PKIB: variants seen among roughly 807,000 people sequenced by gnomAD.
PKIB encodes cAMP-dependent protein kinase inhibitor beta, also known as PKI-beta.
Under a neutral mutation model 4.5 loss-of-function variants are expected in PKIB, and 2 were observed. The ratio of observed to expected loss-of-function variants is 0.44; its 90% CI spans 0.18 to 1.39. The LOEUF is 1.39. Ranked by LOEUF, PKIB falls within the 40% of genes most tolerant of loss-of-function variation. The pLI, the probability that PKIB is intolerant of heterozygous loss-of-function variation, is 0.27. For missense variants in PKIB, 94 were observed against 92.6 expected, an observed-to-expected ratio of 1.02 and a Z score of -0.06; for synonymous variants, 38 against 36.0, an observed-to-expected ratio of 1.06 and a Z score of -0.20.
intron 3 of PKIB, among the ~76,000 whole-genome samples, chr6:122,676,972 C>T (rs1027564390): frequency 2.0e-5 from 3 of 152,110 alleles, no homozygotes; most frequent in Non-Finnish European, 2.9e-5. Context: ...GATTTCCTGT[C>T]TTTACTACAT....
chr6:122,689,424 T>C (rs6569269), intron 3 of PKIB, among the ~76,000 whole-genome samples: 72,186 of 151,934 alleles, frequency 0.48, 17,933 homozygotes, highest in Non-Finnish European at 0.56. Context: ...CTTAGTACTG[T>C]TTTTGTGAAT....
chr6:122,651,350 T>C (rs1484782818), intron 2 of PKIB, among the ~76,000 whole-genome samples: 1 of 152,208 alleles, frequency 6.6e-6, no homozygotes, highest in Non-Finnish European at 1.5e-5. Flanking sequence ...TACCTTAATC[T>C]TTAGGGCCTG....
chr6:122,714,979 G>T (rs769497626), intron 3 of PKIB, among the ~76,000 whole-genome samples: 1 of 151,386 alleles, frequency 6.6e-6, no homozygotes, highest in Non-Finnish European at 1.5e-5. Context: ...TAGAGACAGG[G>T]TTTCACCATC....
At chr6:122,603,456 T>C (rs1362213157) in intron 3 of PKIB, among the ~76,000 whole-genome samples, 4 of 152,176 alleles carry the variant, frequency 2.6e-5, no homozygotes, top group African/African-American at 4.8e-5. Context: ...TAAAAGTATA[T>C]TGAAAAAATT....
chr6:122,602,675 G>A (rs570803843), intron 3 of PKIB, among the ~76,000 whole-genome samples: 11 of 152,274 alleles, frequency 7.2e-5, no homozygotes, highest in Non-Finnish European at 1.5e-4. Flanking sequence ...AGCACTTTGA[G>A]AGGCCGAGGC....
chr6:122,495,190 A>G (rs1776041356), intron 2 of PKIB, among the ~76,000 whole-genome samples: 1 of 152,052 alleles, frequency 6.6e-6, no homozygotes, highest in Non-Finnish European at 1.5e-5. Context: ...GGTAATAGAC[A>G]AGGTTTAGCA....
chr6:122,567,356 A>G (rs983437656), intron 2 of PKIB, among the ~76,000 whole-genome samples: 7 of 152,158 alleles, frequency 4.6e-5, no homozygotes, highest in African/African-American at 1.2e-4. Flanking sequence ...ATTAAGCTCT[A>G]TTCACTCACA....
At chr6:122,666,439 CTG>C in intron 2 of PKIB, among the ~76,000 whole-genome samples, 1 of 152,280 alleles carries the variant, frequency 6.6e-6, no homozygotes, top group Middle Eastern at 3.4e-3. Context: ...TTTTTTAAAA[CTG>C]GGGATATGTG....
chr6:122,693,321 G>A (rs571850320), intron 3 of PKIB, among the ~76,000 whole-genome samples: 12 of 152,292 alleles, frequency 7.9e-5, no homozygotes, highest in African/African-American at 2.9e-4. Flanking sequence ...CCCCCTGCTA[G>A]TGAGAATATT....
chr6:122,662,545 C>T (rs1777051824), intron 2 of PKIB, among the ~76,000 whole-genome samples: 1 of 151,670 alleles, frequency 6.6e-6, no homozygotes, highest in South Asian at 2.1e-4. Flanking sequence ...GTCTCGAACT[C>T]CTGACATCAG....
At chr6:122,657,582 A>G (rs752810319) in intron 2 of PKIB, among the ~76,000 whole-genome samples, 2 of 152,198 alleles carry the variant, frequency 1.3e-5, no homozygotes, top group Non-Finnish European at 2.9e-5. Context: ...ATGATTGCAG[A>G]AGTATTGGGA....
At chr6:122,505,349 T>C (rs939774340) in intron 2 of PKIB, among the ~76,000 whole-genome samples, 4 of 152,228 alleles carry the variant, frequency 2.6e-5, no homozygotes, top group African/African-American at 9.6e-5. Context: ...TGTCCCATAT[T>C]TTTATGGCCA....
At chr6:122,529,297 A>T (rs914477575) in intron 2 of PKIB, among the ~76,000 whole-genome samples, 1 of 152,164 alleles carries the variant, frequency 6.6e-6, no homozygotes, top group African/African-American at 2.4e-5. Context: ...TTAAACAGAT[A>T]ACAAGTACGT....
intron 2 of PKIB, chr6:122,483,905 C>G (rs1436482776): frequency 6.6e-6 from 1 of 152,164 alleles, no homozygotes; most frequent in Admixed American, 6.5e-5. Context: ...TTTTTCTTCT[C>G]AATTGCCTTC....
intron 2 of PKIB, among the ~76,000 whole-genome samples, chr6:122,550,250 G>A (rs1369827007): frequency 1.3e-5 from 2 of 152,058 alleles, no homozygotes; most frequent in South Asian, 2.1e-4. Flanking sequence ...TAGCTAATAT[G>A]AAATATGTCT....
intron 2 of PKIB, among the ~76,000 whole-genome samples, chr6:122,557,034 T>TA (rs921462176): frequency 3.3e-5 from 5 of 152,002 alleles, no homozygotes; most frequent in African/African-American, 1.2e-4. Context: ...GCCAACATGG[T>TA]AAAATCCTGT....
At chr6:122,605,942 C>A (rs770827664), upstream of PKIB, among the ~76,000 whole-genome samples, 7 of 152,188 alleles carry the variant, frequency 4.6e-5, no homozygotes, top group Non-Finnish European at 1.0e-4. Flanking sequence ...TGTCATCCAG[C>A]CTTGCTATTC....
At chr6:122,690,817 C>T (rs1778300686) in intron 3 of PKIB, among the ~76,000 whole-genome samples, 1 of 151,860 alleles carries the variant, frequency 6.6e-6, no homozygotes. Flanking sequence ...GATTGAAGAA[C>T]TCCCTTTAGT....
intron 2 of PKIB, among the ~76,000 whole-genome samples, chr6:122,656,563 C>T (rs1287082698): frequency 6.6e-6 from 1 of 152,174 alleles, no homozygotes; most frequent in East Asian, 1.9e-4. Context: ...ACATATCTGG[C>T]TGTCACTGCC....
Sources: gnomAD v4.1 joint callset for allele counts (sites outside exome capture counted in the v4.1 genomes callset) on GRCh38, gnomAD v4.1.1 for gene constraint, MANE v1.5 for transcripts, NCBI Gene and HGNC (gene_info 2026-07-23, HGNC 2026-07-21) for gene names.